The following PLXNA4 variants were observed in gnomAD, a reference collection of about 807,000 sequenced individuals.
The protein encoded by PLXNA4 is plexin-A4.
PLXNA4 carries 44 observed loss-of-function variants against 191.8 expected under a neutral mutation model. That is an observed-to-expected ratio of 0.23 (90% CI 0.18 to 0.29). The LOEUF (loss-of-function observed/expected upper bound fraction) is 0.29, where lower values mean the gene tolerates loss of function less well. Among genes scored for constraint, PLXNA4 ranks in the 10% least tolerant of loss-of-function variants. The pLI, the probability that PLXNA4 is intolerant of heterozygous loss-of-function variation, is 1.00. For missense variants in PLXNA4, 1,800 were observed against 2,488.8 expected, an observed-to-expected ratio of 0.72 and a Z score of 5.89; for synonymous variants, 1,082 against 1,009.5, an observed-to-expected ratio of 1.07 and a Z score of -1.36.
chr7:132,632,059 A>T (rs1585417609), intron 2 of PLXNA4, among the ~76,000 whole-genome samples: 1 of 151,932 alleles, frequency 6.6e-6, no homozygotes, highest in African/African-American at 2.4e-5. Flanking sequence ...ACATGGTGAA[A>T]CCCCCGTCTC....
At chr7:132,226,678 C>T (rs1798335777) in intron 7 of PLXNA4, among the ~76,000 whole-genome samples, 1 of 152,208 alleles carries the variant, frequency 6.6e-6, no homozygotes. Flanking sequence ...CATTCCCTGT[C>T]TCTGTAAAGA....
chr7:132,372,721 T>C (rs1804497388), intron 3 of PLXNA4, among the ~76,000 whole-genome samples: 1 of 152,224 alleles, frequency 6.6e-6, no homozygotes, highest in Non-Finnish European at 1.5e-5. Context: ...CACCTAGTAG[T>C]GTCTGACATA....
chr7:132,505,501 G>A (rs79208373), intron 2 of PLXNA4, among the ~76,000 whole-genome samples: 1,720 of 152,310 alleles, frequency 0.011, 28 homozygotes, highest in African/African-American at 0.038. Context: ...TAAGTGCACA[G>A]TATAAACTTG....
At chr7:132,521,410 A>G (rs1451000235) in intron 1 of PLXNA4, among the ~76,000 whole-genome samples, 1 of 152,178 alleles carries the variant, frequency 6.6e-6, no homozygotes, top group African/African-American at 2.4e-5. Context: ...ATACATCATA[A>G]GGAGGTTGTT....
At chr7:132,563,991 CCTCCTTCTCCT>C (rs1801563870) in intron 1 of PLXNA4, among the ~76,000 whole-genome samples, 1 of 11,752 alleles carries the variant, frequency 8.5e-5, no homozygotes, top group Non-Finnish European at 1.9e-4. Flanking sequence ...TTCTCCTCCT[CCTCCTTCTCCT>C]CCTCCTTCTC....
intron 3 of PLXNA4, among the ~76,000 whole-genome samples, chr7:132,365,354 TGTGTGTGC>T (rs1393199120): frequency 2.4e-5 from 3 of 125,860 alleles, no homozygotes; most frequent in African/African-American, 7.6e-5. Flanking sequence ...TGTGTGTGTG[TGTGTGTGC>T]GTGCGCGCGC....
intron 1 of PLXNA4, among the ~76,000 whole-genome samples, chr7:132,509,676 T>C (rs1321133890): frequency 6.6e-6 from 1 of 152,152 alleles, no homozygotes; most frequent in Non-Finnish European, 1.5e-5. Context: ...GTGGTCCCTG[T>C]CCCATGCAGC....
chr7:132,326,598 G>A (rs972994823), intron 3 of PLXNA4, among the ~76,000 whole-genome samples: 2 of 152,184 alleles, frequency 1.3e-5, no homozygotes, highest in African/African-American at 2.4e-5. Flanking sequence ...ATGCTCTCTC[G>A]GAGAACCTCA....
At chr7:132,466,496 A>G (rs932275925) in intron 3 of PLXNA4, among the ~76,000 whole-genome samples, 1 of 152,230 alleles carries the variant, frequency 6.6e-6, no homozygotes, top group South Asian at 2.1e-4. Context: ...GAGTTAGCAG[A>G]TGTAAATCAC....
chr7:132,202,283 G>C (rs909504196), intron 12 of PLXNA4, among the ~76,000 whole-genome samples: 1 of 152,114 alleles, frequency 6.6e-6, no homozygotes, highest in Non-Finnish European at 1.5e-5. Flanking sequence ...CTCCAATCAC[G>C]GGTTGACACT....
At chr7:132,561,576 T>TCCTCCTCCTTTCC (rs1801080256) in intron 1 of PLXNA4, among the ~76,000 whole-genome samples, 1 of 91,566 alleles carries the variant, frequency 1.1e-5, no homozygotes. Flanking sequence ...TCCTTTCCCC[T>TCCTCCTCCTTTCC]CCTCCTCTTC....
At chr7:132,489,161 C>T (rs1490685068) in intron 3 of PLXNA4, 131 bp downstream of exon 3, 8 of 910,434 alleles carry the variant, frequency 8.8e-6, no homozygotes, top group East Asian at 2.6e-5. Flanking sequence ...TCAACAGCAG[C>T]GTATCTCCTT....
At chr7:132,452,890 A>G (rs939239017) in intron 3 of PLXNA4, among the ~76,000 whole-genome samples, 1 of 152,224 alleles carries the variant, frequency 6.6e-6, no homozygotes, top group African/African-American at 2.4e-5. Flanking sequence ...CAAAGTGATT[A>G]GGGAATTGGA....
intron 12 of PLXNA4, among the ~76,000 whole-genome samples, chr7:132,200,064 T>G (rs1204123650): frequency 6.6e-6 from 1 of 152,202 alleles, no homozygotes; most frequent in Non-Finnish European, 1.5e-5. Context: ...CTGGCAGCAG[T>G]GTCTCCATGA....
chr7:132,404,207 A>G (rs1233111248), intron 3 of PLXNA4, among the ~76,000 whole-genome samples: 1 of 152,202 alleles, frequency 6.6e-6, no homozygotes, highest in Non-Finnish European at 1.5e-5. Flanking sequence ...ACCCTCCAGG[A>G]GGCTGATGTG....
chr7:132,515,547 A>G (rs1008684242), intron 1 of PLXNA4, among the ~76,000 whole-genome samples: 2 of 152,208 alleles, frequency 1.3e-5, no homozygotes, highest in Admixed American at 1.3e-4. Flanking sequence ...AGCAAGCCAA[A>G]CAGATCTGTG....
At chr7:132,625,567 G>A (rs1803354089) in intron 2 of PLXNA4, among the ~76,000 whole-genome samples, 1 of 152,166 alleles carries the variant, frequency 6.6e-6, no homozygotes, top group Non-Finnish European at 1.5e-5. Flanking sequence ...GAGGCAGGGT[G>A]GAGTGTGTGG....
chr7:132,147,783 C>CA, intron 27 of PLXNA4, 117 bp downstream of exon 27: 1 of 1,375,810 alleles, frequency 7.3e-7, no homozygotes, highest in Non-Finnish European at 1.0e-6. Flanking sequence ...GATGGTCAGC[C>CA]TGTCTGATGC....
In PLXNA4 at chr7:132,642,892, A is replaced by G. The variant is rs2116892915; in HGVS notation, c.-87+3036T>C. On this transcript the variant is annotated intron_variant, in intron 2 of 4. Transcript: ENST00000378539. ...AAAGGTGCTAGATAGAAAGTGCTGG[A>G]TGCAAAACAGTGAGTATGATACGAT... Among the ~76,000 whole-genome samples the G allele has an allele frequency of 2.0e-5, 3 of 152,358 alleles. No homozygotes were observed. In the East Asian group the frequency reaches 5.8e-4, roughly 29 times the overall value.
Sources: gnomAD v4.1 joint callset for allele counts (sites outside exome capture counted in the v4.1 genomes callset) on GRCh38, gnomAD v4.1.1 for gene constraint, MANE v1.5 for transcripts, NCBI Gene and HGNC (gene_info 2026-07-23, HGNC 2026-07-21) for gene names.